The following NCS1 variants were observed in gnomAD, a reference collection of about 807,000 sequenced individuals.
NCS1 encodes the protein neuronal calcium sensor 1.
In NCS1, 6 loss-of-function variants were observed where a neutral mutation model predicts 28.4. The observed-to-expected ratio is 0.21, with a 90% CI of 0.12 to 0.42. NCS1 has a LOEUF of 0.42. Ranked by LOEUF, NCS1 falls within the 10% of genes least tolerant of loss-of-function variation. The pLI is 1.00. For synonymous variants in NCS1, 86 were observed against 99.3 expected (o/e 0.87, Z 0.79); for missense variants, 131 against 241.4 (o/e 0.54, Z 3.03).
At chr9:130,176,136 C>CATTT (rs1588105752) in intron 1 of NCS1, among the ~76,000 whole-genome samples, 1 of 114,988 alleles carries the variant, frequency 8.7e-6, no homozygotes, top group East Asian at 2.5e-4. Flanking sequence ...CTTATTTGTT[C>CATTT]ATTTTCTTTC....
chr9:130,172,794 C>A (rs1216713730), intron 1 of NCS1, 67 bp downstream of exon 1: 4 of 886,156 alleles, frequency 4.5e-6, no homozygotes, highest in Non-Finnish European at 6.2e-6. Context: ...CCGCCCCCGC[C>A]CCCCGGACCC....
At position 130,191,244 on chromosome 9, in the gene NCS1, C is replaced by T. The variant is rs567232610; in HGVS notation, c.65-9714C>T. 6.6e-6 allele frequency among the ~76,000 whole-genome samples: 1 copy of T among 152,286 alleles called. No homozygotes were observed. Among genetic ancestry groups the T allele is most frequent in the Admixed American group, 6.5e-5 (1 of 15,302 alleles). On this transcript the variant is annotated intron_variant, in intron 1 of 7. Transcript: ENST00000372398. The surrounding 1 kb of genome is among the most constrained non-coding windows in gnomAD (Gnocchi z 6.4). ...TGGACTGTGTGTCCCAAGCCGAGAG[C>T]CTGGCTTTAGAGGGCCTCGGGCAGG...
intron 2 of NCS1, among the ~76,000 whole-genome samples, chr9:130,208,460 G>A (rs1806785): frequency 0.4 from 60,479 of 151,722 alleles, 12,541 homozygotes; most frequent in Admixed American, 0.48. Context: ...TGTATTTTTA[G>A]TAGAGACGGG....
Position 130,172,608 on chromosome 9 carries a change from T to A in NCS1, c.-56T>A. 3 of 1,109,380 alleles carry A rather than the reference T, an allele frequency of 2.7e-6. No individual in the cohort carries two copies. Among genetic ancestry groups the A allele is most frequent in the Non-Finnish European group, 3.5e-6 (3 of 849,440 alleles). 68.7% of individuals were successfully genotyped at this position (1,109,380 alleles called of 1,614,324 possible). A position where few individuals can be genotyped will look rare whatever the true frequency, so the allele number is the denominator to read the frequency against. Reference sequence around the variant, plus strand: ...CCGGCCCGCCCGGCCCAGCCGCTCCTGCTGGGCGCCCCAACCGGGTCCGGC... The same window carrying A: ...CCGGCCCGCCCGGCCCAGCCGCTCCAGCTGGGCGCCCCAACCGGGTCCGGC... On this transcript the variant is annotated 5_prime_UTR_variant, in exon 1 of 8. Transcript: ENST00000372398.
rs904922835 is a variant in NCS1, at chr9:130,184,442, T to C, written c.64+11715T>C. ...CTCCCAGGATTGTGGATGGCATTCATGCGAAAACATTGGTGACAGGGCCTG... is the reference window on the plus strand; with the variant it reads ...CTCCCAGGATTGTGGATGGCATTCACGCGAAAACATTGGTGACAGGGCCTG... On this transcript the variant is annotated intron_variant, in intron 1 of 7. Transcript: ENST00000372398. Among the ~76,000 whole-genome samples, 3 of 151,966 alleles carry C rather than the reference T, an allele frequency of 2.0e-5. No homozygotes were observed. The East Asian group carries it at 5.8e-4, about 29-fold the overall frequency.
At chr9:130,201,807 G>A (rs1832951369) in intron 2 of NCS1, among the ~76,000 whole-genome samples, 1 of 152,160 alleles carries the variant, frequency 6.6e-6, no homozygotes, top group Non-Finnish European at 1.5e-5. Context: ...GCCCTTGCTG[G>A]GAGGTGCCCC....
Position 130,226,499 on chromosome 9 carries a change from A to G in NCS1, c.*12A>G. ...ACGGGCTGGTATAGTCCCAGGCTGG[A>G]GCTGGGTGAGTGCAGACTCGGGGCC... On this transcript the variant is annotated 3_prime_UTR_variant, in exon 7 of 8. Coordinates refer to ENST00000372398, the MANE Select transcript of NCS1 (RefSeq NM_014286.4). The surrounding 1 kb of genome is among the most constrained non-coding windows in gnomAD (Gnocchi z 4.8). 5 of 1,609,196 alleles carry G rather than the reference A, an allele frequency of 3.1e-6. No homozygotes were observed. Among genetic ancestry groups the G allele is most frequent in the Non-Finnish European group, 4.2e-6 (5 of 1,176,948 alleles).
chr9:130,224,614 A>C (rs1554911144), intron 6 of NCS1, among the ~76,000 whole-genome samples: 1 of 151,792 alleles, frequency 6.6e-6, no homozygotes, highest in Non-Finnish European at 1.5e-5. Context: ...TTGAGGGTGG[A>C]GGGTGAGAGG....
intron 1 of NCS1, among the ~76,000 whole-genome samples, chr9:130,189,894 A>ATATATATATATG (rs1355054278): frequency 1.5e-5 from 2 of 133,704 alleles, no homozygotes; most frequent in African/African-American, 6.2e-5. Flanking sequence ...ATATATATAT[A>ATATATATATATG]TATATATATA....
In NCS1 at chr9:130,232,108, G is replaced by A. The variant is rs1189195468; in HGVS notation, c.*18-882G>A. Among the ~76,000 whole-genome samples the A allele has an allele frequency of 1.3e-5, 2 of 151,970 alleles. No homozygotes were observed. The highest frequency in any genetic ancestry group is 2.9e-5 in the Non-Finnish European group (2 of 68,020). The stretch of plus-strand genomic sequence containing the variant: ...ATTATAGGTGTGCGCAGCCACGTCC[G>A]GCTAATTTTTGTATTTTTGGTAGAG... On this transcript the variant is annotated intron_variant, in intron 7 of 7. Coordinates refer to ENST00000372398, the MANE Select transcript of NCS1 (RefSeq NM_014286.4). The surrounding 1 kb of genome is among the most constrained non-coding windows in gnomAD (Gnocchi z 4.4).
At chr9:130,188,538 A>C (rs1832771340) in intron 1 of NCS1, among the ~76,000 whole-genome samples, 1 of 144,000 alleles carries the variant, frequency 6.9e-6, no homozygotes, top group Non-Finnish European at 1.5e-5. Flanking sequence ...CAGCCTCCCG[A>C]GTAGCTGGGA....
intron 1 of NCS1, among the ~76,000 whole-genome samples, chr9:130,197,488 C>T (rs1453170620): frequency 6.6e-6 from 1 of 152,168 alleles, no homozygotes; most frequent in African/African-American, 2.4e-5. Context: ...TGGGCACGTT[C>T]CTCTGGTCGC....
At chr9:130,185,640 C>CCTGTTCAGAGGCAGGAG (rs1832727939) in intron 1 of NCS1, among the ~76,000 whole-genome samples, 1 of 152,232 alleles carries the variant, frequency 6.6e-6, no homozygotes, top group Non-Finnish European at 1.5e-5. Flanking sequence ...CCGAAAGATT[C>CCTGTTCAGAGGCAGGAG]CTGTTCAGAG....
chr9:130,198,890 G>A (rs1158831737), intron 1 of NCS1, among the ~76,000 whole-genome samples: 2 of 152,098 alleles, frequency 1.3e-5, no homozygotes, highest in African/African-American at 4.8e-5. Context: ...CACAGCCCCA[G>A]CTGCCATCAC....
intron 1 of NCS1, among the ~76,000 whole-genome samples, chr9:130,193,455 G>C (rs536542053): frequency 2.6e-5 from 4 of 152,124 alleles, no homozygotes; most frequent in Non-Finnish European, 5.9e-5. Flanking sequence ...TGGACAGTGG[G>C]GGCATTCTCG....
intron 5 of NCS1, 110 bp downstream of exon 5, chr9:130,222,848 AG>A: frequency 6.7e-6 from 8 of 1,193,614 alleles, no homozygotes; most frequent in Non-Finnish European, 9.8e-6. Flanking sequence ...GGGTGGAAGC[AG>A]GGGTCACTGG....
chr9:130,212,317 G>A (rs373588798), intron 2 of NCS1, among the ~76,000 whole-genome samples: 2 of 151,988 alleles, frequency 1.3e-5, no homozygotes, highest in East Asian at 3.9e-4. Flanking sequence ...CTGCCCCCGA[G>A]GGGATATTTG....
chr9:130,225,224 TC>T (rs1554911235), intron 6 of NCS1, among the ~76,000 whole-genome samples: 1 of 152,202 alleles, frequency 6.6e-6, no homozygotes, highest in African/African-American at 2.4e-5. Context: ...TCATAGAAAT[TC>T]CTGTAACGCA....
intron 2 of NCS1, 144 bp from the exon 3 acceptor site, chr9:130,217,688 C>T (rs1833208766): frequency 2.5e-6 from 3 of 1,183,906 alleles, no homozygotes; most frequent in East Asian, 4.7e-5. Flanking sequence ...TGCGCCTGTG[C>T]CTATCAAGTC....
Sources: allele counts gnomAD v4.1 joint callset (sites outside exome capture counted in the v4.1 genomes callset), GRCh38; gene constraint gnomAD v4.1.1; non-coding constraint Gnocchi (gnomAD v3.1); transcripts MANE v1.5; gene names NCBI Gene and HGNC (gene_info 2026-07-23, HGNC 2026-07-21).